Variants in NKAIN2 observed in about 807,000 individuals in gnomAD.
The protein encoded by NKAIN2 is sodium/potassium transporting ATPase interacting 2.
NKAIN2 carries 14 observed loss-of-function variants against 32.6 expected under a neutral mutation model. The observed-to-expected ratio is 0.43, with a 90% CI of 0.28 to 0.67. NKAIN2 has a LOEUF of 0.67. Ranked by LOEUF, NKAIN2 falls within the 30% of genes least tolerant of loss-of-function variation. The pLI is 0.17. For synonymous variants in NKAIN2, 80 were observed against 87.2 expected (o/e 0.92, Z 0.46); for missense variants, 198 against 258.3 (o/e 0.77, Z 1.60).
chr6:123,849,593 G>A (rs998920134), intron 1 of NKAIN2, among the ~76,000 whole-genome samples: 3 of 152,114 alleles, frequency 2.0e-5, no homozygotes, highest in African/African-American at 4.8e-5. Context: ...ATCTCTGTGG[G>A]TGTAGGCAAA....
chr6:124,225,985 T>A (rs987373725), intron 1 of NKAIN2, among the ~76,000 whole-genome samples: 2 of 152,024 alleles, frequency 1.3e-5, no homozygotes, highest in African/African-American at 4.8e-5. Flanking sequence ...ATCAGTTATG[T>A]TTTTGGCCTT....
chr6:124,188,486 T>A (rs1789857735), intron 1 of NKAIN2, among the ~76,000 whole-genome samples: 1 of 152,224 alleles, frequency 6.6e-6, no homozygotes, highest in Admixed American at 6.5e-5. Context: ...TTTAATCACA[T>A]TTATAAAATG....
At chr6:123,934,142 T>C (rs1465264082) in intron 1 of NKAIN2, among the ~76,000 whole-genome samples, 1 of 152,194 alleles carries the variant, frequency 6.6e-6, no homozygotes, top group Non-Finnish European at 1.5e-5. Flanking sequence ...TGAGCTGATA[T>C]AAAAGTCTGT....
At chr6:124,347,970 C>T (rs570327994) in intron 2 of NKAIN2, among the ~76,000 whole-genome samples, 1 of 152,108 alleles carries the variant, frequency 6.6e-6, no homozygotes, top group African/African-American at 2.4e-5. Flanking sequence ...GTGGTTTTAT[C>T]TACTTTTGGT....
At chr6:123,892,739 T>G (rs563785674) in intron 1 of NKAIN2, among the ~76,000 whole-genome samples, 1 of 151,842 alleles carries the variant, frequency 6.6e-6, no homozygotes, top group Admixed American at 6.6e-5. Context: ...TATCTAACAG[T>G]TAAATGCATA....
chr6:124,669,903 C>G (rs955842272), intron 4 of NKAIN2, among the ~76,000 whole-genome samples: 1 of 151,960 alleles, frequency 6.6e-6, no homozygotes, highest in Admixed American at 6.6e-5. Flanking sequence ...TACTGCTCCC[C>G]CTCTCAAGTC....
chr6:124,613,947 A>G (rs377085648), intron 3 of NKAIN2, among the ~76,000 whole-genome samples: 1 of 152,308 alleles, frequency 6.6e-6, no homozygotes, highest in East Asian at 1.9e-4. Flanking sequence ...CTTCATTGCT[A>G]TAGTAATTTT....
At chr6:124,658,438 T>A (rs201108283) in intron 4 of NKAIN2, 52 bp downstream of exon 4, 10 of 1,613,650 alleles carry the variant, frequency 6.2e-6, no homozygotes, top group Non-Finnish European at 8.5e-6. Flanking sequence ...GTTGTTTTAT[T>A]TCTGTGCGAA....
intron 2 of NKAIN2, among the ~76,000 whole-genome samples, chr6:124,319,368 T>C (rs1473651594): frequency 3.3e-5 from 5 of 152,108 alleles, no homozygotes; most frequent in Non-Finnish European, 7.4e-5. Context: ...TCCAAAGACA[T>C]AGGGACACAT....
chr6:123,826,797 A>G (rs373054226), intron 1 of NKAIN2, among the ~76,000 whole-genome samples: 1 of 152,140 alleles, frequency 6.6e-6, no homozygotes, highest in African/African-American at 2.4e-5. Flanking sequence ...TAATACTGCT[A>G]TGAATATAGG....
chr6:124,520,648 A>C (rs1275183503), intron 3 of NKAIN2, among the ~76,000 whole-genome samples: 1 of 152,224 alleles, frequency 6.6e-6, no homozygotes, highest in African/African-American at 2.4e-5. Flanking sequence ...CGAATGAGTA[A>C]AACTGTATTT....
intron 3 of NKAIN2, among the ~76,000 whole-genome samples, chr6:124,411,580 G>T (rs62436308): frequency 0.043 from 6,564 of 152,130 alleles, 98 homozygotes; most frequent in Non-Finnish European, 0.063. Context: ...TCCTTTTGTG[G>T]GTAACCTGAC....
intron 1 of NKAIN2, among the ~76,000 whole-genome samples, chr6:123,855,417 A>G (rs1180003981): frequency 1.3e-5 from 2 of 152,196 alleles, no homozygotes; most frequent in African/African-American, 4.8e-5. Flanking sequence ...AATAGCAAAC[A>G]CTTAAACTTG....
At chr6:124,170,495 TC>T (rs1348586713) in intron 1 of NKAIN2, among the ~76,000 whole-genome samples, 5 of 152,156 alleles carry the variant, frequency 3.3e-5, no homozygotes, top group Non-Finnish European at 7.3e-5. Flanking sequence ...CAAGACAAAA[TC>T]ATTAAATGTA....
In NKAIN2 at chr6:124,686,113, T is replaced by G. The variant is rs59942089; in HGVS notation, c.474+27727T>G. 2.5e-3 allele frequency among the ~76,000 whole-genome samples: 379 copies of G among 152,200 alleles called. 2 individuals are homozygous for G. The highest frequency in any genetic ancestry group is 8.9e-3 in the African/African-American group (369 of 41,498). ...TCTGGTTGGCTGTCAACCAGCAGAC[T>G]CTTTCAGCTCCTATAGGCTGCCTGT... On this transcript the variant is annotated intron_variant, in intron 4 of 6. Coordinates refer to ENST00000368417, the MANE Select transcript of NKAIN2 (RefSeq NM_001040214.3).
chr6:124,778,244 T>C (rs927664054), intron 4 of NKAIN2, among the ~76,000 whole-genome samples: 3 of 39,708 alleles, frequency 7.6e-5, no homozygotes, highest in African/African-American at 3.0e-4. Flanking sequence ...AAACATGTTT[T>C]CCTGAAGTTA....
intron 1 of NKAIN2, among the ~76,000 whole-genome samples, chr6:124,068,758 C>G (rs202028279): frequency 2.1e-5 from 3 of 142,094 alleles, no homozygotes; most frequent in African/African-American, 7.8e-5. Flanking sequence ...ATTATAAAAA[C>G]GGGGAAGGGA....
intron 1 of NKAIN2, among the ~76,000 whole-genome samples, chr6:123,892,155 C>T (rs1283035927): frequency 6.6e-6 from 1 of 152,134 alleles, no homozygotes; most frequent in Non-Finnish European, 1.5e-5. Context: ...CTCCATTACA[C>T]CTGAACACAG....
chr6:124,184,607 C>T (rs545188180), intron 1 of NKAIN2, among the ~76,000 whole-genome samples: 1 of 152,242 alleles, frequency 6.6e-6, no homozygotes, highest in Admixed American at 6.5e-5. Context: ...AGTAATAAGA[C>T]TAAGCTAATG....
Sources: gnomAD v4.1 joint callset for allele counts (sites outside exome capture counted in the v4.1 genomes callset) on GRCh38, gnomAD v4.1.1 for gene constraint, MANE v1.5 for transcripts, NCBI Gene and HGNC (gene_info 2026-07-23, HGNC 2026-07-21) for gene names.